The following UBR2 variants were observed in gnomAD, a reference collection of about 807,000 sequenced individuals.
The protein encoded by UBR2 is E3 ubiquitin-protein ligase UBR2.
Under a neutral mutation model 247.9 loss-of-function variants are expected in UBR2, and 92 were observed. That is an observed-to-expected ratio of 0.37 (90% CI 0.31 to 0.44). The LOEUF is 0.44. Among genes scored for constraint, UBR2 ranks in the 20% least tolerant of loss-of-function variants. The pLI, the probability that UBR2 is intolerant of heterozygous loss-of-function variation, is 1.00. For synonymous variants in UBR2, 672 were observed against 693.5 expected, an observed-to-expected ratio of 0.97 and a Z score of 0.49; for missense variants, 1,613 against 2,112.6, an observed-to-expected ratio of 0.76 and a Z score of 4.64.
intron 2 of UBR2, among the ~76,000 whole-genome samples, chr6:42,590,867 C>CAG (rs1792615564): frequency 6.6e-6 from 1 of 152,214 alleles, no homozygotes; most frequent in Admixed American, 6.5e-5. Flanking sequence ...TCTGTCCCAA[C>CAG]AGAATATATA....
chr6:42,630,673 A>G (rs934653440), intron 11 of UBR2, among the ~76,000 whole-genome samples: 1 of 152,136 alleles, frequency 6.6e-6, no homozygotes, highest in Non-Finnish European at 1.5e-5. Flanking sequence ...TAAGTCCTGA[A>G]GTTTTCAAAC....
At chr6:42,599,159 A>G (rs759565128) in intron 4 of UBR2, among the ~76,000 whole-genome samples, 1 of 152,162 alleles carries the variant, frequency 6.6e-6, no homozygotes, top group African/African-American at 2.4e-5. Context: ...AGATTTTTGT[A>G]ATCTGAAATT....
At chr6:42,685,878 A>G (rs1799357664) in intron 44 of UBR2, among the ~76,000 whole-genome samples, 1 of 152,018 alleles carries the variant, frequency 6.6e-6, no homozygotes, top group East Asian at 1.9e-4. Context: ...TTGTCTCAAA[A>G]AAAAAAAGAA....
chr6:42,647,478 C>T (rs1316507677), intron 21 of UBR2, among the ~76,000 whole-genome samples: 1 of 149,754 alleles, frequency 6.7e-6, no homozygotes, highest in Non-Finnish European at 1.5e-5. Context: ...CGCCTGTAAT[C>T]CCAGCTACTT....
At chr6:42,672,064 ACT>A (rs1315976293) in intron 36 of UBR2, among the ~76,000 whole-genome samples, 2 of 151,530 alleles carry the variant, frequency 1.3e-5, no homozygotes, top group East Asian at 3.9e-4. Flanking sequence ...ATGGAGTCTC[ACT>A]CTGTTGCTCA....
At chr6:42,599,588 C>G (rs1384112886) in intron 4 of UBR2, among the ~76,000 whole-genome samples, 1 of 151,556 alleles carries the variant, frequency 6.6e-6, no homozygotes, top group Non-Finnish European at 1.5e-5. Flanking sequence ...AGAATTATTG[C>G]ATGGTTTGGG....
At position 42,603,719 on chromosome 6, in the gene UBR2, G is replaced by GT; in HGVS notation, c.662+2dup. The GT allele has an allele frequency of 6.3e-7, 1 of 1,597,542 alleles. No homozygotes were observed. Among genetic ancestry groups the GT allele is most frequent in the Non-Finnish European group, 8.5e-7 (1 of 1,176,156 alleles). ...AATTGCCAGCAGATTTAGAGATGGT[G>GT]TAAGTATAACCTGTTTATTCTTCAT... On this transcript the variant is annotated splice_donor_variant, in intron 5 of 46. Transcript: ENST00000372901. LOFTEE classifies it high-confidence loss of function.
At chr6:42,574,656 C>T (rs1791379212) in intron 2 of UBR2, among the ~76,000 whole-genome samples, 1 of 150,818 alleles carries the variant, frequency 6.6e-6, no homozygotes, top group African/African-American at 2.4e-5. Flanking sequence ...CAGAATTAAT[C>T]ATTGTTAACA....
chr6:42,622,422 G>T, intron 11 of UBR2, among the ~76,000 whole-genome samples: 1 of 140,842 alleles, frequency 7.1e-6, no homozygotes. Context: ...TTTTTTTTGA[G>T]ACAGAACCTC....
intron 33 of UBR2, 104 bp from the exon 34 acceptor site, chr6:42,666,063 G>A: frequency 3.3e-6 from 3 of 913,376 alleles, no homozygotes; most frequent in South Asian, 2.1e-5. Context: ...GTTTTTATTA[G>A]GGAATTTTTT....
chr6:42,678,851 T>A (rs1798874131), intron 41 of UBR2, among the ~76,000 whole-genome samples, 182 bp downstream of exon 41: 1 of 152,238 alleles, frequency 6.6e-6, no homozygotes, highest in Non-Finnish European at 1.5e-5. Context: ...TTTATTTGGA[T>A]CTCAGTAAAT....
chr6:42,593,318 G>A (rs972296948), intron 3 of UBR2, among the ~76,000 whole-genome samples: 7 of 152,196 alleles, frequency 4.6e-5, no homozygotes, highest in African/African-American at 1.7e-4. Context: ...AAACAAGCAC[G>A]TGTCATTTTC....
At chr6:42,614,408 G>GTATGTACGTACATACATACGTATA (rs2151938038) in intron 8 of UBR2, among the ~76,000 whole-genome samples, 1 of 32,222 alleles carries the variant, frequency 3.1e-5, no homozygotes, top group East Asian at 8.0e-4. Flanking sequence ...ACATACGTAT[G>GTATGTACGTACATACATACGTATA]TATGTACGTA....
At chr6:42,608,710 T>G (rs1162024245) in intron 7 of UBR2, among the ~76,000 whole-genome samples, 1 of 152,214 alleles carries the variant, frequency 6.6e-6, no homozygotes, top group African/African-American at 2.4e-5. Context: ...ATTTGCATTT[T>G]CCTTGATTTT....
intron 46 of UBR2, 79 bp from the exon 47 acceptor site, chr6:42,690,953 G>C: frequency 1.3e-6 from 2 of 1,553,020 alleles, no homozygotes; most frequent in Non-Finnish European, 8.7e-7. Flanking sequence ...TTGTAACCTT[G>C]CCTAAATCAG....
At chr6:42,584,394 TG>T (rs1792120151) in intron 2 of UBR2, among the ~76,000 whole-genome samples, 1 of 152,250 alleles carries the variant, frequency 6.6e-6, no homozygotes, top group African/African-American at 2.4e-5. Context: ...TCTATTCTTA[TG>T]TCAAAGACAT....
chr6:42,604,910 C>G (rs1179662895), intron 5 of UBR2, among the ~76,000 whole-genome samples: 1 of 151,838 alleles, frequency 6.6e-6, no homozygotes, highest in Admixed American at 6.6e-5. Flanking sequence ...GCCTGTAGTC[C>G]TAGCTATTCA....
rs200373833 is a variant in UBR2 at position 42,634,762 on chromosome 6, CCA to C, written c.1546-655_1546-654del. ...GGGCCACCATGTCTGGCCTGACTTACCATTCTAGTTCCTAGGTTGGGTGGTAG... is the reference window on the plus strand; with the variant it reads ...GGGCCACCATGTCTGGCCTGACTTACTTCTAGTTCCTAGGTTGGGTGGTAG... On this transcript the variant is annotated intron_variant, in intron 13 of 46. Coordinates refer to ENST00000372901, the MANE Select transcript of UBR2 (RefSeq NM_001363705.2). Among the ~76,000 whole-genome samples, 688 of 152,300 alleles carry C rather than the reference CCA, an allele frequency of 4.5e-3. 3 individuals carry two copies. The highest frequency in any genetic ancestry group is 0.014 in the African/African-American group (568 of 41,566).
At chr6:42,655,197 G>T (rs1262701607) in intron 25 of UBR2, among the ~76,000 whole-genome samples, 2 of 152,028 alleles carry the variant, frequency 1.3e-5, no homozygotes, top group African/African-American at 4.8e-5. Flanking sequence ...GTACTTCAAG[G>T]CCGGGCATGG....
Sources: allele counts gnomAD v4.1 joint callset (sites outside exome capture counted in the v4.1 genomes callset), GRCh38; gene constraint gnomAD v4.1.1; transcripts MANE v1.5; gene names NCBI Gene and HGNC (gene_info 2026-07-23, HGNC 2026-07-21).